Variants in GALNT13 observed in about 807,000 individuals in gnomAD.
GALNT13 encodes the protein UDP-GalNAc:polypeptide N-acetylgalactosaminyltransferase 13.
GALNT13 carries 28 observed loss-of-function variants against 64.2 expected under a neutral mutation model. That is an observed-to-expected ratio of 0.44 (90% CI 0.32 to 0.60). The LOEUF is 0.60. Among genes scored for constraint, GALNT13 ranks in the 20% least tolerant of loss-of-function variants. The probability of loss-of-function intolerance (pLI) is 0.05; values close to 1 mark genes in which losing one functional copy is unlikely to be tolerated. For synonymous variants in GALNT13, 214 were observed against 224.6 expected (o/e 0.95, Z 0.42); for missense variants, 577 against 669.8 (o/e 0.86, Z 1.53).
At chr2:153,169,268 A>T in the GALNT13 span, among the ~76,000 whole-genome samples, 1 of 152,154 alleles carries the variant, frequency 6.6e-6, no homozygotes, top group Non-Finnish European at 1.5e-5. Context: ...GGCTGAGGAA[A>T]ACTGGTAGAG....
intron 4 of GALNT13, among the ~76,000 whole-genome samples, chr2:154,174,832 A>C (rs2105711590): frequency 6.6e-6 from 1 of 152,272 alleles, no homozygotes; most frequent in South Asian, 2.1e-4. Flanking sequence ...ATAGAATATT[A>C]TCACGTTTTT....
At chr2:153,466,584 G>C in the GALNT13 span, among the ~76,000 whole-genome samples, 1 of 151,970 alleles carries the variant, frequency 6.6e-6, no homozygotes. Context: ...ATGAGGTTCA[G>C]TGCCTCCCTT....
the GALNT13 span, among the ~76,000 whole-genome samples, chr2:153,535,636 A>G: frequency 2.0e-5 from 3 of 152,222 alleles, no homozygotes; most frequent in African/African-American, 7.2e-5. Flanking sequence ...TAGCATTCTG[A>G]GGACAGGTCT....
the GALNT13 span, among the ~76,000 whole-genome samples, chr2:153,532,285 A>G: frequency 4.6e-5 from 7 of 151,788 alleles, no homozygotes; most frequent in Admixed American, 3.3e-4. Flanking sequence ...CATGGAAGCC[A>G]CCCCTCTGAA....
chr2:153,244,743 G>T, the GALNT13 span, among the ~76,000 whole-genome samples: 1 of 152,178 alleles, frequency 6.6e-6, no homozygotes, highest in Non-Finnish European at 1.5e-5. Context: ...CCAGGTGCCT[G>T]GTGGTGATCC....
intron 3 of GALNT13, among the ~76,000 whole-genome samples, chr2:154,115,159 A>C: frequency 6.6e-6 from 1 of 152,178 alleles, no homozygotes; most frequent in East Asian, 1.9e-4. Flanking sequence ...AATCTCCCTA[A>C]GTCTTGGGAT....
rs550571921 is a variant in GALNT13, at chr2:154,436,202, A to C, written c.1396-2390A>C. 137 of 152,320 alleles carry C rather than the reference A, an allele frequency of 9.0e-4. 1 individual carries two copies. Among genetic ancestry groups the C allele is most frequent in the African/African-American group, 3.0e-3 (126 of 41,578 alleles). The allele number at this position is 152,320 out of a possible 1,614,324, so 9.4% of individuals were successfully genotyped here. A position where few individuals can be genotyped will look rare whatever the true frequency, so the allele number is the denominator to read the frequency against. ...TTTTTTTCAAGTACAAAGGCCAAAA[A>C]AAATTTAGCAGACATATAATTTATA... On this transcript the variant is annotated intron_variant, in intron 11 of 12. Coordinates refer to ENST00000392825, the MANE Select transcript of GALNT13 (RefSeq NM_052917.4).
chr2:154,412,739 G>A (rs908526445), intron 11 of GALNT13, among the ~76,000 whole-genome samples: 5 of 151,700 alleles, frequency 3.3e-5, no homozygotes, highest in Non-Finnish European at 7.4e-5. Context: ...GAAAGTTTTT[G>A]TAGCAGGAAT....
At chr2:153,072,131 T>G in the GALNT13 span, among the ~76,000 whole-genome samples, 1 of 152,186 alleles carries the variant, frequency 6.6e-6, no homozygotes, top group South Asian at 2.1e-4. Flanking sequence ...CTGCTCAATC[T>G]AAGTCCAAAA....
chr2:153,897,093 C>G (rs534182488), intron 1 of GALNT13, among the ~76,000 whole-genome samples: 2 of 152,258 alleles, frequency 1.3e-5, no homozygotes, highest in South Asian at 4.1e-4. Context: ...GAATCAGTTG[C>G]AGACATCATG....
At chr2:153,099,264 G>A in the GALNT13 span, among the ~76,000 whole-genome samples, 2 of 152,190 alleles carry the variant, frequency 1.3e-5, no homozygotes, top group African/African-American at 4.8e-5. Context: ...CACGTTGGGT[G>A]TAAATTCCTG....
intron 2 of GALNT13, among the ~76,000 whole-genome samples, chr2:153,939,840 G>C (rs1691210698): frequency 6.6e-6 from 1 of 152,132 alleles, no homozygotes; most frequent in Non-Finnish European, 1.5e-5. Context: ...AGCCTTACAA[G>C]GTAACTACTA....
At chr2:153,633,684 A>C in the GALNT13 span, among the ~76,000 whole-genome samples, 1 of 152,126 alleles carries the variant, frequency 6.6e-6, no homozygotes, top group Non-Finnish European at 1.5e-5. Flanking sequence ...TAAGGTGTCC[A>C]GTGAGTGATC....
At chr2:153,722,665 A>G in the GALNT13 span, among the ~76,000 whole-genome samples, 4 of 152,254 alleles carry the variant, frequency 2.6e-5, no homozygotes, top group African/African-American at 9.6e-5. Flanking sequence ...ATCAGAGAAT[A>G]CTACAAACAC....
At chr2:153,785,367 CAG>C in the GALNT13 span, among the ~76,000 whole-genome samples, 1 of 152,192 alleles carries the variant, frequency 6.6e-6, no homozygotes, top group South Asian at 2.1e-4. Flanking sequence ...GTGGAGCTCC[CAG>C]AGGAAGGGGC....
chr2:153,848,332 T>C, the GALNT13 span, among the ~76,000 whole-genome samples: 1 of 152,176 alleles, frequency 6.6e-6, no homozygotes, highest in Non-Finnish European at 1.5e-5. Flanking sequence ...GCACATAGCA[T>C]GGTAAAAGGG....
intron 3 of GALNT13, among the ~76,000 whole-genome samples, chr2:154,093,813 T>C (rs1447072723): frequency 6.6e-6 from 1 of 151,750 alleles, no homozygotes; most frequent in Non-Finnish European, 1.5e-5. Context: ...AACTAGTGTA[T>C]TAAAGAGCAT....
At chr2:153,535,325 A>G in the GALNT13 span, among the ~76,000 whole-genome samples, 78,008 of 148,782 alleles carry the variant, frequency 0.52, 21,340 homozygotes, top group East Asian at 0.74. Context: ...AAGGAGATTC[A>G]GCATAGTCCT....
At chr2:153,864,598 C>A in the GALNT13 span, among the ~76,000 whole-genome samples, 6 of 152,066 alleles carry the variant, frequency 3.9e-5, no homozygotes, top group Admixed American at 3.3e-4. Flanking sequence ...ATATAATCAA[C>A]TTACAAGGGA....
Sources: allele counts gnomAD v4.1 joint callset (sites outside exome capture counted in the v4.1 genomes callset), GRCh38; gene constraint gnomAD v4.1.1; transcripts MANE v1.5; gene names NCBI Gene and HGNC (gene_info 2026-07-23, HGNC 2026-07-21).